Variants in SLC29A4 observed in about 807,000 individuals in gnomAD.
SLC29A4 encodes the protein solute carrier family 29 member 4, also known as equilibrative nucleoside transporter 4.
In SLC29A4, 36 loss-of-function variants were observed where a neutral mutation model predicts 43.9. The observed-to-expected ratio is 0.82, with a 90% confidence interval of 0.63 to 1.08. The LOEUF (loss-of-function observed/expected upper bound fraction) is 1.08. SLC29A4 is among the 50% of genes least tolerant of loss of function. The pLI, the probability that SLC29A4 is intolerant of heterozygous loss-of-function variation, is 0.00. For synonymous variants in SLC29A4, 491 were observed against 338.0 expected, an observed-to-expected ratio of 1.45 and a Z score of -4.97; for missense variants, 869 against 755.3, an observed-to-expected ratio of 1.15 and a Z score of -1.77.
chr7:5,302,981 GGGGCCCCGAGGCCTGA>G lies in SLC29A4; in HGVS notation c.*50_*65del. 1.3e-6 allele frequency: 2 copies of G among 1,577,790 alleles called. No homozygotes were observed. Among genetic ancestry groups the G allele is most frequent in the Non-Finnish European group, 1.7e-6 (2 of 1,164,328 alleles). On this transcript the variant is annotated 3_prime_UTR_variant, in exon 11 of 11. Transcript: ENST00000396872. ...GCCAGGGACGCCGAGGGCCTGACCA[GGGGCCCCGAGGCCTGA>G]GGGCCCCTCCCCTGTCCCCACCTCA... is the stretch of plus-strand genomic sequence containing the variant.
At position 5,282,991 on chromosome 7, in the gene SLC29A4, C is replaced by G; in HGVS notation, c.-100C>G. Reference sequence around the variant, plus strand: ...ACCGGGGCCGGGCGGACTCGGGGACCGGCGGAGGACGCCGGGCGCGCCCGG... The same window carrying G: ...ACCGGGGCCGGGCGGACTCGGGGACGGGCGGAGGACGCCGGGCGCGCCCGG... On this transcript the variant is annotated 5_prime_UTR_variant, in exon 1 of 11. Transcript: ENST00000396872. 1.2e-5 allele frequency: 1 copy of G among 80,592 alleles called. No individual in the cohort carries two copies. The highest frequency in any genetic ancestry group is 4.2e-4 in the South Asian group (1 of 2,360). 5.0% of individuals were successfully genotyped at this position (80,592 alleles called of 1,614,324 possible).
intron 2 of SLC29A4, 108 bp downstream of exon 2, chr7:5,288,093 A>G (rs1785073471): frequency 1.4e-6 from 2 of 1,384,188 alleles, no homozygotes. Context: ...GTCATGGAGG[A>G]CTGGAGGCAG....
chr7:5,285,602 C>G (rs887970187), intron 1 of SLC29A4, among the ~76,000 whole-genome samples: 2 of 152,148 alleles, frequency 1.3e-5, no homozygotes, highest in African/African-American at 4.8e-5. Flanking sequence ...GGTAACTGAT[C>G]ATGAAAACCT....
intron 3 of SLC29A4, 82 bp downstream of exon 3, chr7:5,290,945 G>A (rs1785265339): frequency 3.2e-6 from 5 of 1,547,920 alleles, no homozygotes; most frequent in South Asian, 1.2e-5. Context: ...CGGCGGGGAG[G>A]GTCCTACACG....
At chr7:5,301,138 C>T (rs1400579603) in intron 10 of SLC29A4, among the ~76,000 whole-genome samples, 1 of 152,078 alleles carries the variant, frequency 6.6e-6, no homozygotes, top group African/African-American at 2.4e-5. Flanking sequence ...GTAGCGTGCG[C>T]CTATGGTCCC....
At position 5,285,972 on chromosome 7, in the gene SLC29A4, T is replaced by C. The variant is rs531743423; in HGVS notation, c.-8-1837T>C. Among the ~76,000 whole-genome samples, 3 of 152,090 alleles carry C rather than the reference T, an allele frequency of 2.0e-5. No individual in the cohort carries two copies. The East Asian group carries it at 5.8e-4, about 29-fold the overall frequency. On this transcript the variant is annotated intron_variant, in intron 1 of 10. Transcript: ENST00000396872. ...CTCCAGTGAGTTGTGATCGCGCCAC[T>C]GCACTCCAGCCTTGGCAACAAAGCG... is the stretch of plus-strand genomic sequence containing the variant.
At chr7:5,291,072 A>C in intron 3 of SLC29A4, 52 bp from the exon 4 acceptor site, 3 of 1,592,758 alleles carry the variant, frequency 1.9e-6, no homozygotes, top group Non-Finnish European at 2.6e-6. Flanking sequence ...GGCAGGAGTC[A>C]GTGCAGGGGG....
Position 5,299,267 on chromosome 7 carries a change from C to T in SLC29A4, c.1049C>T (p.Ala350Val), listed in dbSNP as rs1562454278. 2 of 1,612,084 alleles carry T rather than the reference C, an allele frequency of 1.2e-6. No homozygotes were observed. The highest frequency in any genetic ancestry group is 1.7e-6 in the Non-Finnish European group (2 of 1,179,914). The stretch of plus-strand genomic sequence containing the variant: ...CTGTTACTGCACCGCTACGTGGTGG[C>T]GCGGGTGATCTGGGCCGACATGCTC... ...RALLLHRYVV[A>V]RVIWADMLSI... Residue 350 changes from alanine (A) to valine (V), a missense_variant, in exon 9 of 11, where the codon GCG (alanine) becomes GTG (valine). By Grantham distance (64) the Ala-to-Val change is moderately conservative (BLOSUM62 0). Coordinates refer to ENST00000396872, the MANE Select transcript of SLC29A4 (RefSeq NM_153247.4).
In SLC29A4 at chr7:5,301,770, A is replaced by AG. The variant is rs35377687; in HGVS notation, c.1451-1022dup. ...TGAGAGGTAGGGTGTGGGAGAGGGA[A>AG]GGGGGCTCCAGGTTTGGGGTCCACT... On this transcript the variant is annotated intron_variant, in intron 10 of 10. Transcript: ENST00000396872. Among the ~76,000 whole-genome samples, 9 of 152,098 alleles carry AG rather than the reference A, an allele frequency of 5.9e-5. No individual in the cohort carries two copies. In the East Asian group the frequency reaches 1.7e-3, roughly 29 times the overall value.
In SLC29A4 at chr7:5,291,725, A is replaced by G. The variant is rs201270047; in HGVS notation, c.448A>G (p.Ile150Val). The G allele has an allele frequency of 9.9e-6, 16 of 1,611,886 alleles. No individual in the cohort carries two copies. The highest frequency in any genetic ancestry group is 1.4e-5 in the Non-Finnish European group (16 of 1,179,776). Residue 150 changes from isoleucine (I) to valine (V), a missense_variant, in exon 5 of 11, where the codon ATC becomes GTC. Physicochemically the swap from Ile to Val is conservative, Grantham distance 29. Coordinates refer to ENST00000396872, the MANE Select transcript of SLC29A4 (RefSeq NM_153247.4). ...YLLALGPLLF[I>V]SICDVWLQLF... ...CTTAGCCTTGGGCCCTCTCCTTTTT[A>G]TCAGCATCTGCGACGTGTGGCTGCA...
chr7:5,287,923 C>T lies in SLC29A4; in HGVS notation c.107C>T (p.Ala36Val), dbSNP rs200574190. The T allele has an allele frequency of 7.1e-5, 115 of 1,611,656 alleles. No individual in the cohort carries two copies. The African/African-American group carries it at 1.2e-3, about 17-fold the overall frequency. The change falls in exon 2 of 11, where the codon GCG becomes GTG. Residue 36 changes from alanine to valine, a missense_variant. Ala to Val is a moderately conservative substitution (Grantham distance 64). Coordinates refer to ENST00000396872, the MANE Select transcript of SLC29A4 (RefSeq NM_153247.4). Reference sequence around the variant, plus strand: ...TTCGACAGTCACCAGCTGGAGGAGGCGGCGGAGGCGGCTCAGGGCCAGGGC... The same window carrying T: ...TTCGACAGTCACCAGCTGGAGGAGGTGGCGGAGGCGGCTCAGGGCCAGGGC... ...FTFDSHQLEEAAEAAQGQGLR... is the reference protein window; with the variant it reads ...FTFDSHQLEEVAEAAQGQGLR...
chr7:5,289,575 T>C (rs1419710598), intron 2 of SLC29A4, among the ~76,000 whole-genome samples: 2 of 152,070 alleles, frequency 1.3e-5, no homozygotes, highest in Non-Finnish European at 2.9e-5. Context: ...ATTTCCCTTT[T>C]GATAAAGTTA....
rs529765291 is a variant in SLC29A4 at position 5,297,101 on chromosome 7, C to G, written c.785C>G (p.Thr262Ser). The G allele has an allele frequency of 6.2e-7, 1 of 1,607,556 alleles. No homozygotes were observed. The highest frequency in any genetic ancestry group is 1.3e-5 in the African/African-American group (1 of 74,886). The part of the protein sequence containing the change: ...VRRSRFVLFY[T>S]TRPRDSHRGR... Reference sequence around the variant, plus strand: ...CGCAGCCGCTTCGTGCTCTTCTATACCACACGGCCGCGTGACAGCCACCGG... The same window carrying G: ...CGCAGCCGCTTCGTGCTCTTCTATAGCACACGGCCGCGTGACAGCCACCGG... Residue 262 changes from threonine (T) to serine (S), a missense_variant, in exon 7 of 11, where the codon ACC (threonine) becomes AGC (serine). Coordinates refer to ENST00000396872, the MANE Select transcript of SLC29A4 (RefSeq NM_153247.4).
intron 5 of SLC29A4, among the ~76,000 whole-genome samples, chr7:5,293,151 CT>C (rs892132837): frequency 7.0e-6 from 1 of 142,788 alleles, no homozygotes; most frequent in Non-Finnish European, 1.5e-5. Flanking sequence ...TGTAGACTTT[CT>C]TTTTTTTCTC....
In SLC29A4 at chr7:5,304,026, C is replaced by T. The variant is rs1265469262; in HGVS notation, c.*1087C>T. The T allele has an allele frequency of 2.0e-5, 3 of 152,348 alleles. No homozygotes were observed. The highest frequency in any genetic ancestry group is 4.8e-5 in the African/African-American group (2 of 41,478). 9.4% of individuals were successfully genotyped at this position (152,348 alleles called of 1,614,324 possible). On this transcript the variant is annotated 3_prime_UTR_variant, in exon 11 of 11. Transcript: ENST00000396872. ...CCCCGTCTGTCCACTAACTGTACCG[C>T]ACCGGCCATTAAAAGATGAAGGCAG...
At chr7:5,295,122 C>T (rs541076082) in intron 6 of SLC29A4, among the ~76,000 whole-genome samples, 188 bp downstream of exon 6, 34 of 152,224 alleles carry the variant, frequency 2.2e-4, no homozygotes, top group African/African-American at 7.9e-4. Flanking sequence ...GGGTGCACTC[C>T]CACATGGGAG....
intron 9 of SLC29A4, among the ~76,000 whole-genome samples, chr7:5,299,868 A>G (rs1020696658): frequency 1.3e-5 from 2 of 152,340 alleles, no homozygotes; most frequent in Admixed American, 6.5e-5. Flanking sequence ...CCTTGCCAAC[A>G]TGGTGAAACC....
chr7:5,291,598 G>A, intron 4 of SLC29A4, 95 bp from the exon 5 acceptor site: 2 of 1,472,946 alleles, frequency 1.4e-6, no homozygotes, highest in East Asian at 2.3e-5. Context: ...GAAGGGCAGA[G>A]AAAGCCTCAG....
At chr7:5,297,855 C>T (rs1002137191) in intron 7 of SLC29A4, among the ~76,000 whole-genome samples, 8 of 152,142 alleles carry the variant, frequency 5.3e-5, no homozygotes, top group African/African-American at 1.9e-4. Context: ...CCTGTCATAG[C>T]ACAGAGGCAC....
Sources: allele counts gnomAD v4.1 joint callset (sites outside exome capture counted in the v4.1 genomes callset), GRCh38; gene constraint gnomAD v4.1.1; transcripts MANE v1.5; gene names NCBI Gene and HGNC (gene_info 2026-07-23, HGNC 2026-07-21).